The following ANKRD50 variants were observed in gnomAD, a reference collection of about 807,000 sequenced individuals.
The protein encoded by ANKRD50 is ankyrin repeat domain 50, also known as ankyrin repeat domain-containing protein 50.
A neutral mutation model predicts 112.0 loss-of-function variants in ANKRD50; 40 were observed. That is an observed-to-expected ratio of 0.36 (90% CI 0.28 to 0.46). The LOEUF (loss-of-function observed/expected upper bound fraction) is 0.46, where lower values mean the gene tolerates loss of function less well. Ranked by LOEUF, ANKRD50 falls within the 20% of genes least tolerant of loss-of-function variation. The pLI, the probability that ANKRD50 is intolerant of heterozygous loss-of-function variation, is 1.00. For missense variants in ANKRD50, 1,487 were observed against 1,701.7 expected (o/e 0.87, Z 2.22); for synonymous variants, 613 against 619.1 (o/e 0.99, Z 0.15).
chr4:124,687,735 A>G (rs2110517755), intron 2 of ANKRD50, among the ~76,000 whole-genome samples: 1 of 152,290 alleles, frequency 6.6e-6, no homozygotes, highest in Non-Finnish European at 1.5e-5. Context: ...AGGAAGAGAG[A>G]AGGGCATCAA....
At position 124,691,498 on chromosome 4, in the gene ANKRD50, C is replaced by CAAAA. The variant is rs71583369; in HGVS notation, c.513-12597_513-12594dup. Among the ~76,000 whole-genome samples the CAAAA allele has an allele frequency of 7.4e-3, 444 of 59,754 alleles. 68 individuals are homozygous for CAAAA. Among genetic ancestry groups the CAAAA allele is most frequent in the East Asian group, 0.017 (25 of 1,494 alleles). The allele number at this position is 59,754 out of a possible 152,430, so 39.2% of individuals were successfully genotyped here. A position where few individuals can be genotyped will look rare whatever the true frequency, so the allele number is the denominator to read the frequency against. The stretch of plus-strand genomic sequence containing the variant: ...TGGGCGACAGAGCGAGACTCCGTCT[C>CAAAA]AAAAAAAAAAAAAAAAAAAAAAAAA... On this transcript the variant is annotated intron_variant, in intron 2 of 4. Transcript: ENST00000504087.
rs1730506878 is a variant in ANKRD50, at chr4:124,666,993, G to C, written c.*525C>G. 6.6e-6 allele frequency: 1 copy of C among 151,796 alleles called. No homozygotes were observed. Among genetic ancestry groups the C allele is most frequent in the African/African-American group, 2.4e-5 (1 of 41,358 alleles). The allele number at this position is 151,796 out of a possible 1,614,324, so 9.4% of individuals were successfully genotyped here. A position where few individuals can be genotyped will look rare whatever the true frequency, so the allele number is the denominator to read the frequency against. The stretch of plus-strand genomic sequence containing the variant: ...TAGAAAATGATTTTTATCCAATGCT[G>C]AAGGTGTAGTGAACATAGAACAGTT... On this transcript the variant is annotated 3_prime_UTR_variant, in exon 5 of 5. Transcript: ENST00000504087.
In ANKRD50 at chr4:124,665,114, C is replaced by T. The variant is rs1368472412; in HGVS notation, c.*2404G>A. On this transcript the variant is annotated 3_prime_UTR_variant, in exon 5 of 5. Transcript: ENST00000504087. ...TTTTTACTTTTTAATGGAGCAGAAG[C>T]CATTTTCATTTATAGTATTAAATCC... is the stretch of plus-strand genomic sequence containing the variant. 1 of 151,840 alleles carries T rather than the reference C, an allele frequency of 6.6e-6. No homozygotes were observed. Among genetic ancestry groups the T allele is most frequent in the Non-Finnish European group, 1.5e-5 (1 of 67,846 alleles). The allele number at this position is 151,840 out of a possible 1,614,324, so 9.4% of individuals were successfully genotyped here. A position where few individuals can be genotyped will look rare whatever the true frequency, so the allele number is the denominator to read the frequency against.
rs755206068 is a variant in ANKRD50 at position 124,671,884 on chromosome 4, G to C, written c.1393C>G (p.Gln465Glu). ...FALHLINSNL[Q>E]LETAELALWM... The stretch of plus-strand genomic sequence containing the variant: ...AGAGCTAACTCCGCTGTCTCTAATT[G>C]TAAGTTTGAGTTAATTAAGTGCAAT... The change falls in exon 4 of 5, where the codon CAA (glutamine) becomes GAA (glutamate). Residue 465 changes from glutamine (Q) to glutamate (E), a missense_variant. By Grantham distance (29) the Gln-to-Glu change is conservative (BLOSUM62 2). Around this residue, in one of 2 missense-constraint regions of ANKRD50, gnomAD observed 1,046 missense variants for 1,269.5 expected, o/e 0.82. Coordinates refer to ENST00000504087, the MANE Select transcript of ANKRD50 (RefSeq NM_020337.3). The C allele has an allele frequency of 3.1e-6, 5 of 1,613,702 alleles. No homozygotes were observed. In the Admixed American group the frequency reaches 5.0e-5, roughly 16 times the overall value.
At chr4:124,702,455 C>G (rs75032949) in intron 2 of ANKRD50, among the ~76,000 whole-genome samples, 2,107 of 152,234 alleles carry the variant, frequency 0.014, 50 homozygotes, top group African/African-American at 0.048. Context: ...CAGTGCTTCT[C>G]AAAGTACTCT....
At position 124,672,138 on chromosome 4, in the gene ANKRD50, AACG is replaced by A. The variant is rs1204494776; in HGVS notation, c.1136_1138del (p.Ser379del). On this transcript the variant is annotated inframe_deletion, in exon 4 of 5. Coordinates refer to ENST00000504087, the MANE Select transcript of ANKRD50 (RefSeq NM_020337.3). ...CTTGCGTTGAAAATCTTCCAAAGTTAACGACATGTTTTTGGTCCATACTGCGTG... is the reference window on the plus strand; with the variant it reads ...CTTGCGTTGAAAATCTTCCAAAGTTAACATGTTTTTGGTCCATACTGCGTG... 25 of 1,613,816 alleles carry A rather than the reference AACG, an allele frequency of 1.5e-5. No homozygotes were observed. Among genetic ancestry groups the A allele is most frequent in the Non-Finnish European group, 1.9e-5 (23 of 1,179,872 alleles).
At chr4:124,689,942 A>G (rs1357299730) in intron 2 of ANKRD50, among the ~76,000 whole-genome samples, 1 of 152,112 alleles carries the variant, frequency 6.6e-6, no homozygotes, top group Non-Finnish European at 1.5e-5. Context: ...TAAAATGTGT[A>G]TTCTATATCT....
rs769361247 is a variant in ANKRD50, at chr4:124,710,480, T to C, written c.32A>G (p.Lys11Arg). Residue 11 changes from lysine (K) to arginine (R), a missense_variant, in exon 2 of 5, where the codon AAA becomes AGA. Physicochemically the swap from Lys to Arg is conservative, Grantham distance 26 (BLOSUM62 2). Around this residue, in one of 2 missense-constraint regions of ANKRD50, gnomAD observed 1,046 missense variants for 1,269.5 expected, o/e 0.82. Coordinates refer to ENST00000504087, the MANE Select transcript of ANKRD50 (RefSeq NM_020337.3). ...TTGCAGTAAACTGGTTTGAGCCATT[T>C]TGCAGACTTTCTCTTCCCAAGGATT... is the stretch of plus-strand genomic sequence containing the variant. MTNPWEEKVC[K>R]MAQTSLLQGK... is the part of the protein sequence containing the mutation. The C allele has an allele frequency of 6.2e-7, 1 of 1,613,416 alleles. No individual in the cohort carries two copies. Among genetic ancestry groups the C allele is most frequent in the Admixed American group, 1.7e-5 (1 of 60,018 alleles).
At chr4:124,685,871 CTTAA>C (rs1344494339) in intron 2 of ANKRD50, among the ~76,000 whole-genome samples, 1 of 152,026 alleles carries the variant, frequency 6.6e-6, no homozygotes, top group Non-Finnish European at 1.5e-5. Context: ...GATTGATTTA[CTTAA>C]TTTTTTTAAA....
rs752353465 is a variant in ANKRD50, at chr4:124,670,502, G to C, written c.2775C>G (p.His925Gln). 1.9e-6 allele frequency: 3 copies of C among 1,613,726 alleles called. No individual in the cohort carries two copies. The highest frequency in any genetic ancestry group is 2.5e-6 in the Non-Finnish European group (3 of 1,179,874). The stretch of plus-strand genomic sequence containing the variant: ...TAAAAAGCAATTCAACAATGTCCCT[G>C]TGCCCTTCTAATGCAGCAACCCGCA... ...NALRVAALEG[H>Q]RDIVELLFSH... Residue 925 changes from histidine (H) to glutamine (Q), a missense_variant, in exon 4 of 5, where the codon CAC becomes CAG. Physicochemically the swap from His to Gln is conservative, Grantham distance 24 (BLOSUM62 0). Coordinates refer to ENST00000504087, the MANE Select transcript of ANKRD50 (RefSeq NM_020337.3).
In ANKRD50 at chr4:124,710,565, T is replaced by G; in HGVS notation, c.-54A>C. On this transcript the variant is annotated 5_prime_UTR_variant, in exon 2 of 5. Transcript: ENST00000504087. Reference sequence around the variant, plus strand: ...GTCTGGATACATCAACACAGGTCTTTCCATCCATTATGACATAACTTGTAT... The same window carrying G: ...GTCTGGATACATCAACACAGGTCTTGCCATCCATTATGACATAACTTGTAT... The G allele has an allele frequency of 6.5e-7, 1 of 1,528,938 alleles. No homozygotes were observed. Among genetic ancestry groups the G allele is most frequent in the Non-Finnish European group, 8.8e-7 (1 of 1,137,140 alleles). The allele number at this position is 1,528,938 out of a possible 1,614,324, so 94.7% of individuals were successfully genotyped here.
Position 124,677,037 on chromosome 4 carries a change from C to T in ANKRD50, c.742+1639G>A, listed in dbSNP as rs187540933. The stretch of plus-strand genomic sequence containing the variant: ...CTGGTGCAAGTAAAAAGAAACCACC[C>T]AACACTTTCAGGTAGGAATATAATA... On this transcript the variant is annotated intron_variant, in intron 3 of 4. Coordinates refer to ENST00000504087, the MANE Select transcript of ANKRD50 (RefSeq NM_020337.3). Among the ~76,000 whole-genome samples, 62 of 151,612 alleles carry T rather than the reference C, an allele frequency of 4.1e-4. 2 individuals are homozygous for T. The highest frequency in any genetic ancestry group is 3.7e-3 in the Admixed American group (57 of 15,230).
At chr4:124,674,425 A>T (rs1321673756) in intron 3 of ANKRD50, among the ~76,000 whole-genome samples, 1 of 152,006 alleles carries the variant, frequency 6.6e-6, no homozygotes, top group African/African-American at 2.4e-5. Flanking sequence ...ACATTTATTG[A>T]GAGTCAACTA....
intron 3 of ANKRD50, among the ~76,000 whole-genome samples, chr4:124,677,090 A>G (rs533987545): frequency 6.6e-6 from 1 of 151,868 alleles, no homozygotes; most frequent in South Asian, 2.1e-4. Flanking sequence ...AAGCAATTTG[A>G]CAATATGTAT....
At chr4:124,677,631 A>G (rs1408333523) in intron 3 of ANKRD50, among the ~76,000 whole-genome samples, 1 of 151,960 alleles carries the variant, frequency 6.6e-6, no homozygotes, top group Non-Finnish European at 1.5e-5. Context: ...AAGAAAAGTA[A>G]TATTATAATC....
At chr4:124,691,498 CAAAAAAAAA>C (rs71583369) in intron 2 of ANKRD50, among the ~76,000 whole-genome samples, 4 of 59,764 alleles carry the variant, frequency 6.7e-5, no homozygotes, top group Admixed American at 2.6e-4. Context: ...GACTCCGTCT[CAAAAAAAAA>C]AAAAAAAAAA....
chr4:124,685,051 A>G (rs902661988), intron 2 of ANKRD50, among the ~76,000 whole-genome samples: 1 of 152,124 alleles, frequency 6.6e-6, no homozygotes, highest in Non-Finnish European at 1.5e-5. Context: ...CCTCATCACC[A>G]TTACTGTTCC....
At chr4:124,684,774 C>T (rs1296987490) in intron 2 of ANKRD50, among the ~76,000 whole-genome samples, 1 of 152,148 alleles carries the variant, frequency 6.6e-6, no homozygotes, top group African/African-American at 2.4e-5. Flanking sequence ...AGTTATTCCC[C>T]AGTACTATTT....
Position 124,670,009 on chromosome 4 carries a change from G to A in ANKRD50, c.3268C>T (p.His1090Tyr). Residue 1090 changes from histidine to tyrosine, a missense_variant, in exon 4 of 5, where the codon CAT (histidine) becomes TAT (tyrosine). His to Tyr is a moderately conservative substitution (Grantham distance 83). Around this residue, in one of 2 missense-constraint regions of ANKRD50, gnomAD observed 441 missense variants for 432.2 expected, o/e 1.02. Transcript: ENST00000504087. ...TCTAATAATTTAATTATCTGAGAAT[G>A]TCCATTTTTGGCTGCAACACGCATA... is the stretch of plus-strand genomic sequence containing the variant. ...TAMRVAAKNG[H>Y]SQIIKLLEKY... is the part of the protein sequence containing the mutation. 6.2e-7 allele frequency: 1 copy of A among 1,610,094 alleles called. No individual in the cohort carries two copies. The highest frequency in any genetic ancestry group is 8.5e-7 in the Non-Finnish European group (1 of 1,179,096).
Sources: gnomAD v4.1 joint callset for allele counts (sites outside exome capture counted in the v4.1 genomes callset) on GRCh38, gnomAD v4.1.1 for gene constraint, gnomAD v4.1.1 regional missense constraint, MANE v1.5 for transcripts, NCBI Gene and HGNC (gene_info 2026-07-23, HGNC 2026-07-21) for gene names.